Variants in CNNM1 observed in about 807,000 individuals in gnomAD.
The protein encoded by CNNM1 is metal transporter CNNM1.
A neutral mutation model predicts 78.8 loss-of-function variants in CNNM1; 44 were observed. The ratio of observed to expected loss-of-function variants is 0.56; its 90% CI spans 0.44 to 0.72. CNNM1 has a LOEUF of 0.72. Ranked by LOEUF, CNNM1 falls within the 30% of genes least tolerant of loss-of-function variation. The pLI, the probability that CNNM1 is intolerant of heterozygous loss-of-function variation, is 0.00. For missense variants in CNNM1, 1,101 were observed against 1,292.2 expected (o/e 0.85, Z 2.27); for synonymous variants, 584 against 581.5 (o/e 1.00, Z -0.06).
rs142710118 is a variant in CNNM1, at chr10:99,360,950, A to G, written c.1833A>G (p.Leu611=). Residue 611 remains leucine (L), a synonymous_variant, in exon 3 of 11, where the codon CTA becomes CTG. Coordinates refer to ENST00000356713, the MANE Select transcript of CNNM1 (RefSeq NM_020348.3). ...TGAAGATCTCACCACAGCTTCTGCT[A>G]GCCACACACCGCTTCATGGCCACAG... ...MRVKISPQLL[L]ATHRFMATEV... The G allele has an allele frequency of 8.5e-5, 137 of 1,611,250 alleles. No individual in the cohort carries two copies. In the African/African-American group the frequency reaches 1.7e-3, roughly 20 times the overall value.
intron 1 of CNNM1, among the ~76,000 whole-genome samples, chr10:99,347,824 C>T (rs2030766628): frequency 6.6e-6 from 1 of 151,956 alleles, no homozygotes; most frequent in Non-Finnish European, 1.5e-5. Flanking sequence ...CCCTGTTCTA[C>T]TGCAGAGATC....
intron 1 of CNNM1, among the ~76,000 whole-genome samples, chr10:99,339,644 C>T (rs1381325808): frequency 6.6e-6 from 1 of 152,188 alleles, no homozygotes; most frequent in Non-Finnish European, 1.5e-5. Flanking sequence ...AAACCATGCC[C>T]CCTCCCACCC....
chr10:99,348,022 G>A (rs1278959532), intron 1 of CNNM1, among the ~76,000 whole-genome samples: 1 of 62,478 alleles, frequency 1.6e-5, no homozygotes, highest in East Asian at 6.2e-4. Flanking sequence ...TATATATGAT[G>A]TGTGTGTGTG....
At chr10:99,333,383 C>A (rs911026398) in intron 1 of CNNM1, among the ~76,000 whole-genome samples, 1 of 152,148 alleles carries the variant, frequency 6.6e-6, no homozygotes, top group African/African-American at 2.4e-5. Context: ...TTCACTCTGT[C>A]GCCCAGGCTG....
chr10:99,373,021 A>C (rs2031854060), intron 6 of CNNM1, among the ~76,000 whole-genome samples: 1 of 152,118 alleles, frequency 6.6e-6, no homozygotes, highest in Admixed American at 6.5e-5. Context: ...TGTGTTTGAC[A>C]TGTGAGTCCT....
At chr10:99,355,591 A>G (rs1488409378) in intron 1 of CNNM1, among the ~76,000 whole-genome samples, 3 of 152,252 alleles carry the variant, frequency 2.0e-5, no homozygotes, top group African/African-American at 2.4e-5. Context: ...AAATGTGTCT[A>G]TACCGCAGAA....
At chr10:99,382,263 G>A (rs1164106781) in intron 7 of CNNM1, among the ~76,000 whole-genome samples, 2 of 152,188 alleles carry the variant, frequency 1.3e-5, no homozygotes, top group African/African-American at 4.8e-5. Context: ...ATGATTAATG[G>A]TAGTTAATAA....
At chr10:99,365,453 C>T (rs934136364) in intron 6 of CNNM1, among the ~76,000 whole-genome samples, 2 of 152,188 alleles carry the variant, frequency 1.3e-5, no homozygotes, top group African/African-American at 4.8e-5. Context: ...GTAAGTTCCA[C>T]CTTTGTGCAA....
intron 1 of CNNM1, among the ~76,000 whole-genome samples, chr10:99,346,282 G>T (rs1299365322): frequency 6.6e-6 from 1 of 152,124 alleles, no homozygotes; most frequent in Non-Finnish European, 1.5e-5. Flanking sequence ...GTCCAAGATG[G>T]GATGAGGGCA....
rs1333118428 is a variant in CNNM1 at position 99,390,410 on chromosome 10, G to A, written c.2776+3G>A. 1.2e-6 allele frequency: 2 copies of A among 1,605,012 alleles called. No individual in the cohort carries two copies. The highest frequency in any genetic ancestry group is 1.7e-5 in the Admixed American group (1 of 59,498). On this transcript the variant is annotated splice_donor_region_variant and intron_variant, in intron 10 of 10. Transcript: ENST00000356713. ...CAAGAAGCTGCTGAGAACCTTGAGT[G>A]AGTAGCTAGTTCTTCACCCAAATGA...
In CNNM1 at chr10:99,329,503, C is replaced by T; in HGVS notation, c.116C>T (p.Ala39Val). Residue 39 changes from alanine (A) to valine (V), a missense_variant, in exon 1 of 11, where the codon GCC becomes GTC. This residue lies in a region of CNNM1 where 476 missense variants were observed against 484.5 expected (regional missense o/e 0.98). Transcript: ENST00000356713. ...FSLSPRPPAA[A>V]AWLLGLRPED... ...CTGTCTCCTCGGCCCCCGGCCGCCG[C>T]CGCCTGGCTGCTGGGCCTGCGGCCC... The T allele has an allele frequency of 1.3e-6, 2 of 1,509,688 alleles. No individual in the cohort carries two copies. The highest frequency in any genetic ancestry group is 8.8e-7 in the Non-Finnish European group (1 of 1,135,260). 93.5% of individuals were successfully genotyped at this position (1,509,688 alleles called of 1,614,324 possible).
At chr10:99,387,204 C>T (rs966313043) in intron 7 of CNNM1, among the ~76,000 whole-genome samples, 2 of 152,132 alleles carry the variant, frequency 1.3e-5, no homozygotes, top group Admixed American at 1.3e-4. Context: ...CCTGACCCTC[C>T]GGATGCCTTC....
intron 6 of CNNM1, chr10:99,368,742 G>A (rs2031709311): frequency 7.6e-6 from 9 of 1,184,994 alleles, no homozygotes; most frequent in Non-Finnish European, 1.0e-5. Context: ...GAAGCCTTTG[G>A]CCTCTGTCAC....
At chr10:99,346,867 C>T (rs1168786384) in intron 1 of CNNM1, among the ~76,000 whole-genome samples, 1 of 152,170 alleles carries the variant, frequency 6.6e-6, no homozygotes, top group Non-Finnish European at 1.5e-5. Flanking sequence ...GCCTCAGCCT[C>T]CCAAAGTGCT....
rs1405270816 is a variant in CNNM1, at chr10:99,392,720, G to A, written c.*1204G>A. ...AAAAGCAACCGCAAAGCCGGGCGCG[G>A]TGGCTCACACCTGTAATCCCAACAG... On this transcript the variant is annotated 3_prime_UTR_variant, in exon 11 of 11. Transcript: ENST00000356713. 6.6e-6 allele frequency: 1 copy of A among 152,264 alleles called. No homozygotes were observed. The highest frequency in any genetic ancestry group is 2.4e-5 in the African/African-American group (1 of 41,458). The allele number at this position is 152,264 out of a possible 1,614,324, so 9.4% of individuals were successfully genotyped here. A position where few individuals can be genotyped will look rare whatever the true frequency, so the allele number is the denominator to read the frequency against.
intron 1 of CNNM1, among the ~76,000 whole-genome samples, chr10:99,355,331 C>T (rs936810470): frequency 6.6e-6 from 1 of 151,892 alleles, no homozygotes; most frequent in Admixed American, 6.6e-5. Flanking sequence ...TGTTAAATGA[C>T]GAGTTACTGG....
chr10:99,343,784 G>A (rs1159706131), intron 1 of CNNM1, among the ~76,000 whole-genome samples: 4 of 151,854 alleles, frequency 2.6e-5, no homozygotes, highest in Admixed American at 6.6e-5. Flanking sequence ...GCATGGTCTC[G>A]GCTCACTGCA....
chr10:99,390,962 C>T (rs2032454928), intron 10 of CNNM1, among the ~76,000 whole-genome samples: 1 of 152,238 alleles, frequency 6.6e-6, no homozygotes. Context: ...TAATTATGCC[C>T]ACCTGCCCCA....
At chr10:99,337,284 C>A (rs1194625190) in intron 1 of CNNM1, among the ~76,000 whole-genome samples, 1 of 152,200 alleles carries the variant, frequency 6.6e-6, no homozygotes, top group South Asian at 2.1e-4. Context: ...TGCTTAAAAC[C>A]CTTCAGCAGC....
Sources: allele counts gnomAD v4.1 joint callset (sites outside exome capture counted in the v4.1 genomes callset), GRCh38; gene constraint gnomAD v4.1.1; regional missense constraint gnomAD v4.1.1; transcripts MANE v1.5; gene names NCBI Gene and HGNC (gene_info 2026-07-23, HGNC 2026-07-21).